The following PRELID2 variants were observed in gnomAD, a reference collection of about 807,000 sequenced individuals.
PRELID2 encodes the protein PRELI domain containing 2.
In PRELID2, 25 loss-of-function variants were observed where a neutral mutation model predicts 28.4. The ratio of observed to expected loss-of-function variants is 0.88; its 90% CI spans 0.64 to 1.23. The LOEUF (loss-of-function observed/expected upper bound fraction) is 1.23. Ranked by LOEUF, PRELID2 falls within the 50% of genes most tolerant of loss-of-function variation. The pLI is 0.00. For synonymous variants in PRELID2, 76 were observed against 71.6 expected (o/e 1.06, Z -0.31); for missense variants, 201 against 214.4 (o/e 0.94, Z 0.39).
At chr5:145,320,856 C>T in the PRELID2 span, among the ~76,000 whole-genome samples, 2 of 152,164 alleles carry the variant, frequency 1.3e-5, no homozygotes, top group South Asian at 2.1e-4. Flanking sequence ...AAAAAGTTAA[C>T]TCAGTTAAGG....
Position 145,743,482 on chromosome 5 carries a change from T to C in PRELID2, n.70+21449A>G, listed in dbSNP as rs541452428. Among the ~76,000 whole-genome samples, 21 of 151,274 alleles carry C rather than the reference T, an allele frequency of 1.4e-4. No individual in the cohort carries two copies. The South Asian group carries it at 4.4e-3, about 32-fold the overall frequency. On this transcript the variant is annotated intron_variant and non_coding_transcript_variant, in intron 1 of 2. Coordinates refer to the PRELID2 transcript ENST00000510259. ...CATAATAGGCATGTGAATCCTTCAC[T>C]GGCAACCAAGGTATCCAGGTTCTCT...
intron 1 of PRELID2, among the ~76,000 whole-genome samples, chr5:145,657,306 A>C (rs1181553603): frequency 6.6e-6 from 1 of 152,176 alleles, no homozygotes; most frequent in East Asian, 1.9e-4. Flanking sequence ...GTGAGAAGAA[A>C]AGTTTTCAAA....
the PRELID2 span, among the ~76,000 whole-genome samples, chr5:145,322,874 G>C: frequency 6.6e-6 from 1 of 152,064 alleles, no homozygotes; most frequent in Non-Finnish European, 1.5e-5. Flanking sequence ...CCAGCTACTC[G>C]GGAGGCTGAG....
intron 1 of PRELID2, among the ~76,000 whole-genome samples, chr5:145,514,972 C>G (rs964343967): frequency 4.6e-5 from 7 of 152,104 alleles, no homozygotes; most frequent in Non-Finnish European, 1.0e-4. Context: ...AACAAAGATA[C>G]AACGTACCAG....
At chr5:145,429,242 G>C in the PRELID2 span, among the ~76,000 whole-genome samples, 2 of 152,150 alleles carry the variant, frequency 1.3e-5, no homozygotes, top group Non-Finnish European at 2.9e-5. Flanking sequence ...TGGTAGAGAG[G>C]GTGAAAGTAA....
chr5:145,421,040 G>C, the PRELID2 span, among the ~76,000 whole-genome samples: 1 of 149,674 alleles, frequency 6.7e-6, no homozygotes, highest in Non-Finnish European at 1.5e-5. Context: ...TACATTTATT[G>C]ATTTGCGTAT....
the PRELID2 span, among the ~76,000 whole-genome samples, chr5:145,432,427 T>C: frequency 1.1e-5 from 1 of 88,606 alleles, no homozygotes; most frequent in Non-Finnish European, 2.5e-5. Context: ...AAGCTCAAGT[T>C]GTTAAAAAAA....
At chr5:145,379,383 G>A in the PRELID2 span, among the ~76,000 whole-genome samples, 2 of 152,300 alleles carry the variant, frequency 1.3e-5, no homozygotes, top group East Asian at 3.9e-4. Context: ...AGGCAATGCA[G>A]CTGGAATAAG....
At chr5:145,471,183 G>T (rs140257992), downstream of PRELID2, among the ~76,000 whole-genome samples, 312 of 152,156 alleles carry the variant, frequency 2.1e-3, 1 homozygote, top group African/African-American at 7.1e-3. Flanking sequence ...CCAACATCCA[G>T]GCTAACTTTT....
At chr5:145,596,112 A>AAAAAG (rs1753302575) in intron 1 of PRELID2, among the ~76,000 whole-genome samples, 1 of 151,376 alleles carries the variant, frequency 6.6e-6, no homozygotes, top group African/African-American at 2.4e-5. Flanking sequence ...AAAAAAAAAA[A>AAAAAG]AAAAAAAGTC....
chr5:145,293,297 GAACA>G, the PRELID2 span, among the ~76,000 whole-genome samples: 1 of 152,162 alleles, frequency 6.6e-6, no homozygotes, highest in East Asian at 1.9e-4. Flanking sequence ...GGGATTAGAA[GAACA>G]AACAAATTAT....
intron 1 of PRELID2, among the ~76,000 whole-genome samples, chr5:145,573,318 C>T (rs1430833204): frequency 6.6e-6 from 1 of 151,810 alleles, no homozygotes; most frequent in Non-Finnish European, 1.5e-5. Flanking sequence ...TGTTTCAGCA[C>T]CCTCAATCTT....
At chr5:145,343,108 T>A in the PRELID2 span, among the ~76,000 whole-genome samples, 1 of 151,740 alleles carries the variant, frequency 6.6e-6, no homozygotes, top group Non-Finnish European at 1.5e-5. Context: ...GTTAGACAGA[T>A]CATCTAGACA....
chr5:145,299,038 A>T, the PRELID2 span, among the ~76,000 whole-genome samples: 4 of 152,182 alleles, frequency 2.6e-5, no homozygotes, highest in Non-Finnish European at 5.9e-5. Context: ...CTAATTTTTT[A>T]TTATAGAAAA....
chr5:145,489,712 A>G (rs1468521145), intron 1 of PRELID2, among the ~76,000 whole-genome samples: 1 of 152,202 alleles, frequency 6.6e-6, no homozygotes, highest in Admixed American at 6.5e-5. Flanking sequence ...ATTATTCCTC[A>G]TAATCACCAG....
chr5:145,317,445 C>T, the PRELID2 span, among the ~76,000 whole-genome samples: 1 of 152,190 alleles, frequency 6.6e-6, no homozygotes, highest in Admixed American at 6.5e-5. Flanking sequence ...TTGTGCTGTT[C>T]CTGAGCCTGT....
the PRELID2 span, among the ~76,000 whole-genome samples, chr5:145,275,472 G>A: frequency 3.3e-5 from 5 of 152,010 alleles, no homozygotes; most frequent in African/African-American, 7.2e-5. Context: ...AAAAGGACAC[G>A]AGTGACCCAA....
intron 1 of PRELID2, among the ~76,000 whole-genome samples, chr5:145,587,269 G>A (rs1271876103): frequency 6.6e-6 from 1 of 152,120 alleles, no homozygotes; most frequent in African/African-American, 2.4e-5. Context: ...TATCCTATTT[G>A]GTGTGTGATA....
intron 1 of PRELID2, among the ~76,000 whole-genome samples, chr5:145,641,205 G>C (rs551530849): frequency 2.0e-5 from 3 of 151,818 alleles, no homozygotes; most frequent in Non-Finnish European, 4.4e-5. Flanking sequence ...CCATCAATAA[G>C]TTAAAACATA....
Sources: gnomAD v4.1 joint callset for allele counts (sites outside exome capture counted in the v4.1 genomes callset) on GRCh38, gnomAD v4.1.1 for gene constraint, MANE v1.5 for transcripts, NCBI Gene and HGNC (gene_info 2026-07-23, HGNC 2026-07-21) for gene names.